Variants in LRRC28 observed in about 807,000 individuals in gnomAD.
LRRC28 encodes the protein leucine-rich repeat-containing protein 28.
LRRC28 carries 39 observed loss-of-function variants against 45.7 expected under a neutral mutation model. That is an observed-to-expected ratio of 0.85 (90% CI 0.66 to 1.12). The LOEUF (loss-of-function observed/expected upper bound fraction) is 1.12, where lower values mean the gene tolerates loss of function less well. Ranked by LOEUF, LRRC28 falls within the 50% of genes most tolerant of loss-of-function variation. The pLI, the probability that LRRC28 is intolerant of heterozygous loss-of-function variation, is 0.00. For missense variants in LRRC28, 435 were observed against 438.5 expected (o/e 0.99, Z 0.07); for synonymous variants, 206 against 178.8 (o/e 1.15, Z -1.22).
At chr15:99,259,151 C>A in intron 2 of LRRC28, 1 of 1,305,154 alleles carries the variant, frequency 7.7e-7, no homozygotes, top group Non-Finnish European at 1.1e-6. Flanking sequence ...TCTTAGGTTC[C>A]AGTCTTCTCA....
intron 7 of LRRC28, among the ~76,000 whole-genome samples, chr15:99,358,791 G>A (rs1039570766): frequency 3.3e-5 from 5 of 151,932 alleles, no homozygotes; most frequent in Admixed American, 6.6e-5. Flanking sequence ...ACATCTACAC[G>A]TAAAGGCCAG....
At chr15:99,367,314 TAAAGA>T (rs1035223113) in intron 9 of LRRC28, among the ~76,000 whole-genome samples, 3 of 152,190 alleles carry the variant, frequency 2.0e-5, no homozygotes, top group Admixed American at 6.5e-5. Flanking sequence ...GGGTAATTTA[TAAAGA>T]AAAGAGGTTT....
chr15:99,381,537 A>G (rs1259685541), intron 9 of LRRC28, among the ~76,000 whole-genome samples: 1 of 152,192 alleles, frequency 6.6e-6, no homozygotes, highest in Non-Finnish European at 1.5e-5. Context: ...CAACTCGTCA[A>G]AGTCATTCTC....
In LRRC28 at chr15:99,334,736, A is replaced by G. The variant is rs556094024; in HGVS notation, c.592+607A>G. Among the ~76,000 whole-genome samples, 3 of 152,294 alleles carry G rather than the reference A, an allele frequency of 2.0e-5. 1 individual carries two copies. The South Asian group carries it at 6.2e-4, about 32-fold the overall frequency. On this transcript the variant is annotated intron_variant, in intron 6 of 9. Transcript: ENST00000301981. ...ATAAAACAGTACATTTATTTTATAG[A>G]TAGCTGAATAATTTTGTTAACTTGT...
chr15:99,299,571 T>C (rs749851523), intron 5 of LRRC28, among the ~76,000 whole-genome samples: 1 of 152,246 alleles, frequency 6.6e-6, no homozygotes, highest in East Asian at 1.9e-4. Context: ...TGTTTCAACT[T>C]GTTAAAGGTT....
At chr15:99,264,499 A>G (rs2081283002) in intron 2 of LRRC28, among the ~76,000 whole-genome samples, 1 of 152,206 alleles carries the variant, frequency 6.6e-6, no homozygotes, top group African/African-American at 2.4e-5. Flanking sequence ...AGGTTTACTG[A>G]GCAATGCTGA....
chr15:99,292,959 T>C (rs1245742010), intron 5 of LRRC28, among the ~76,000 whole-genome samples: 3 of 152,214 alleles, frequency 2.0e-5, no homozygotes, highest in Non-Finnish European at 4.4e-5. Context: ...TATTTTCAAA[T>C]TGGAATTAAG....
At chr15:99,340,324 TG>T (rs1278324946) in intron 6 of LRRC28, among the ~76,000 whole-genome samples, 1 of 152,250 alleles carries the variant, frequency 6.6e-6, no homozygotes, top group Non-Finnish European at 1.5e-5. Flanking sequence ...CTTCTCTTTT[TG>T]TAAATGGCAT....
In LRRC28 at chr15:99,279,576, C is replaced by G. The variant is rs372004327; in HGVS notation, c.209+2960C>G. On this transcript the variant is annotated intron_variant, in intron 3 of 9. Coordinates refer to ENST00000301981, the MANE Select transcript of LRRC28 (RefSeq NM_144598.5). ...AAGGCACTCTAACGTGGTCCTACCCCCTTGCTACTGCTTTTCTCTTTGATT... is the reference window on the plus strand; with the variant it reads ...AAGGCACTCTAACGTGGTCCTACCCGCTTGCTACTGCTTTTCTCTTTGATT... Among the ~76,000 whole-genome samples the G allele has an allele frequency of 8.5e-4, 130 of 152,324 alleles. 3 individuals carry two copies. Among genetic ancestry groups the G allele is most frequent in the Middle Eastern group, 3.4e-3 (1 of 294 alleles).
chr15:99,304,646 C>T (rs1271542107), intron 5 of LRRC28, among the ~76,000 whole-genome samples: 2 of 151,898 alleles, frequency 1.3e-5, no homozygotes, highest in South Asian at 2.1e-4. Flanking sequence ...GGGGTTTCAC[C>T]GTGTTGGCCA....
At chr15:99,347,228 T>G (rs1035534308) in intron 6 of LRRC28, among the ~76,000 whole-genome samples, 2 of 152,026 alleles carry the variant, frequency 1.3e-5, no homozygotes, top group African/African-American at 2.4e-5. Flanking sequence ...TGTCTTTTTT[T>G]AGATGGAGTC....
At chr15:99,312,040 CAAG>C (rs1955432353) in intron 5 of LRRC28, among the ~76,000 whole-genome samples, 1 of 152,066 alleles carries the variant, frequency 6.6e-6, no homozygotes, top group South Asian at 2.1e-4. Flanking sequence ...AAAAAACCCT[CAAG>C]AATTATAGCT....
At chr15:99,351,936 G>C (rs987063170) in intron 6 of LRRC28, among the ~76,000 whole-genome samples, 13 of 152,164 alleles carry the variant, frequency 8.5e-5, no homozygotes, top group Non-Finnish European at 1.8e-4. Context: ...TCAGGAATAA[G>C]GAGACAATAT....
chr15:99,341,380 C>T lies in LRRC28; in HGVS notation c.592+7251C>T, dbSNP rs565878664. Among the ~76,000 whole-genome samples, 42 of 152,294 alleles carry T rather than the reference C, an allele frequency of 2.8e-4. No homozygotes were observed. The East Asian group carries it at 2.9e-3, about 11-fold the overall frequency. ...GTGCTGGGATTACAGGCGTGAGCCA[C>T]CGCGCCCGGCCTGTTCTGCTGTCTT... On this transcript the variant is annotated intron_variant, in intron 6 of 9. Transcript: ENST00000301981.
chr15:99,345,992 T>G (rs2007814), intron 6 of LRRC28, among the ~76,000 whole-genome samples: 2 of 149,586 alleles, frequency 1.3e-5, no homozygotes, highest in African/African-American at 5.0e-5. Flanking sequence ...TCTCTTTTTA[T>G]TTTTTTTTTA....
intron 9 of LRRC28, among the ~76,000 whole-genome samples, chr15:99,367,635 C>T (rs1446605656): frequency 6.6e-6 from 1 of 152,166 alleles, no homozygotes; most frequent in East Asian, 1.9e-4. Context: ...CAAACCATAG[C>T]ACTTGAGTTC....
intron 9 of LRRC28, among the ~76,000 whole-genome samples, chr15:99,382,306 C>A (rs901184877): frequency 6.6e-6 from 1 of 152,234 alleles, no homozygotes; most frequent in Non-Finnish European, 1.5e-5. Context: ...GAGCGAGGCT[C>A]CGTGGGCATG....
intron 5 of LRRC28, among the ~76,000 whole-genome samples, chr15:99,316,598 C>T (rs917628883): frequency 5.3e-5 from 8 of 151,512 alleles, no homozygotes; most frequent in African/African-American, 1.5e-4. Flanking sequence ...GAACATGTGC[C>T]ATAGGGGGCT....
chr15:99,259,895 G>T (rs55962871), intron 2 of LRRC28: 7 of 738,810 alleles, frequency 9.5e-6, no homozygotes, highest in Non-Finnish European at 1.5e-5. Context: ...GGAAGAACCC[G>T]ACGAAGAACC....
Sources: gnomAD v4.1 joint callset for allele counts (sites outside exome capture counted in the v4.1 genomes callset) on GRCh38, gnomAD v4.1.1 for gene constraint, MANE v1.5 for transcripts, NCBI Gene and HGNC (gene_info 2026-07-23, HGNC 2026-07-21) for gene names.